MAPKBP1: variants seen among roughly 807,000 people sequenced by gnomAD.
MAPKBP1 encodes the protein mitogen-activated protein kinase binding protein 1, also known as mitogen-activated protein kinase-binding protein 1.
A neutral mutation model predicts 170.5 loss-of-function variants in MAPKBP1; 71 were observed. The observed-to-expected ratio is 0.42, with a 90% CI of 0.34 to 0.51. MAPKBP1 has a LOEUF of 0.51. MAPKBP1 is among the 20% of genes least tolerant of loss of function. The pLI is 0.06. For synonymous variants in MAPKBP1, 719 were observed against 757.9 expected, an observed-to-expected ratio of 0.95 and a Z score of 0.84; for missense variants, 1,598 against 1,933.0, an observed-to-expected ratio of 0.83 and a Z score of 3.25.
intron 2 of MAPKBP1, among the ~76,000 whole-genome samples, chr15:41,791,539 G>A (rs1405892690): frequency 1.3e-5 from 2 of 152,222 alleles, no homozygotes; most frequent in African/African-American, 4.8e-5. Context: ...CCTCTAGCTC[G>A]TGAACTGATC....
At chr15:41,787,338 C>T (rs1304154906) in intron 2 of MAPKBP1, among the ~76,000 whole-genome samples, 1 of 148,058 alleles carries the variant, frequency 6.8e-6, no homozygotes, top group Non-Finnish European at 1.5e-5. Flanking sequence ...TCTTTTTGAT[C>T]AACATAGTCG....
At position 41,775,369 on chromosome 15, in the gene MAPKBP1, C is replaced by T. The variant is rs1183283764; in HGVS notation, c.94C>T (p.Arg32Ter). 1 of 1,614,010 alleles carries T rather than the reference C, an allele frequency of 6.2e-7. No homozygotes were observed. Among genetic ancestry groups the T allele is most frequent in the Non-Finnish European group, 8.5e-7 (1 of 1,179,978 alleles). Reference sequence around the variant, plus strand: ...GCGCAGGAGTAAGGCAGGAAACCGACGAGAGGACCTCAGCTCCAAGGTGAG... The same window carrying T: ...GCGCAGGAGTAAGGCAGGAAACCGATGAGAGGACCTCAGCTCCAAGGTGAG... ...KLRRSKAGNR[R>*]EDLSSKVTLE... is the part of the protein sequence containing the mutation. Residue 32 changes from arginine (R) to a stop codon, truncating the protein, a stop_gained, in exon 2 of 31, where the codon CGA (arginine) becomes TGA (stop). Transcript: ENST00000457542. LOFTEE classifies it high-confidence loss of function.
chr15:41,791,208 A>G (rs2064390273), intron 2 of MAPKBP1, among the ~76,000 whole-genome samples: 2 of 151,956 alleles, frequency 1.3e-5, no homozygotes, highest in African/African-American at 4.8e-5. Context: ...GGGAAGGGAA[A>G]AGGGGGAAGA....
chr15:41,784,342 T>A (rs542902657), intron 2 of MAPKBP1, among the ~76,000 whole-genome samples: 7 of 152,206 alleles, frequency 4.6e-5, no homozygotes, highest in African/African-American at 1.7e-4. Flanking sequence ...GAAAAGAGCT[T>A]CTCAAGAGTT....
chr15:41,784,893 T>TAA (rs35451237), intron 2 of MAPKBP1, among the ~76,000 whole-genome samples: 1,404 of 105,626 alleles, frequency 0.013, 30 homozygotes, highest in Middle Eastern at 0.049. Flanking sequence ...ACCCTATCTG[T>TAA]AAAAAAAAAA....
intron 2 of MAPKBP1, among the ~76,000 whole-genome samples, chr15:41,793,332 A>G (rs969401898): frequency 9.9e-5 from 15 of 152,136 alleles, no homozygotes; most frequent in Non-Finnish European, 4.4e-5. Context: ...CTAAAAATAC[A>G]AAAAATTAGC....
intron 3 of MAPKBP1, among the ~76,000 whole-genome samples, chr15:41,802,395 CT>C (rs562155602): frequency 1.2e-4 from 18 of 150,138 alleles, no homozygotes; most frequent in African/African-American, 2.2e-4. Flanking sequence ...ATTTTATAAA[CT>C]TTTTTTTTTA....
At position 41,820,843 on chromosome 15, in the gene MAPKBP1, C is replaced by G. The variant is rs759014898; in HGVS notation, c.2493C>G (p.Ser831=). The G allele has an allele frequency of 2.6e-5, 42 of 1,613,694 alleles. No homozygotes were observed. The highest frequency in any genetic ancestry group is 3.4e-5 in the Non-Finnish European group (40 of 1,179,792). Residue 831 remains serine (S), a synonymous_variant, in exon 23 of 31, where the codon TCC becomes TCG. Coordinates refer to ENST00000457542, the MANE Select transcript of MAPKBP1 (RefSeq NM_014994.3). ...SHWEMSRAQE[S]VGFLDPAPAA... ...CTACCTCCCACCAGGCACAGGAGTC[C>G]GTGGGGTTCCTGGACCCAGCTCCTG...
At chr15:41,820,711 G>A in intron 22 of MAPKBP1, 121 bp from the exon 23 acceptor site, 1 of 707,536 alleles carries the variant, frequency 1.4e-6, no homozygotes, top group Non-Finnish European at 2.4e-6. Flanking sequence ...AAAGGTTGCT[G>A]TGAGGATGAA....
chr15:41,825,293 CTGG>C lies in MAPKBP1; in HGVS notation c.4385_4387del (p.Leu1462_Glu1463delinsGln). On this transcript the variant is annotated inframe_deletion, in exon 31 of 31. Transcript: ENST00000457542. Reference sequence around the variant, plus strand: ...CACCTTCTCTTCAGTGCGACAGGAGCTGGAAGCTGTGGCTGGGGCAGTGCTGTC... The same window carrying C: ...CACCTTCTCTTCAGTGCGACAGGAGCAAGCTGTGGCTGGGGCAGTGCTGTC... The C allele has an allele frequency of 1.2e-6, 2 of 1,613,240 alleles. No individual in the cohort carries two copies. Among genetic ancestry groups the C allele is most frequent in the Non-Finnish European group, 1.7e-6 (2 of 1,179,626 alleles).
In MAPKBP1 at chr15:41,813,080, G is replaced by A. The variant is rs775880469; in HGVS notation, c.798G>A (p.Leu266=). ...GCGAGTTCAGTGATCGAAGGCTTTT[G>A]GACAAGTGGGTGGAGCTGAGGGTAA... The part of the protein sequence containing the change: ...LLCEFSDRRL[L]DKWVELRTTV... The change falls in exon 8 of 31, where the codon TTG becomes TTA. Residue 266 remains leucine, a synonymous_variant. Coordinates refer to ENST00000457542, the MANE Select transcript of MAPKBP1 (RefSeq NM_014994.3). 5 of 1,608,114 alleles carry A rather than the reference G, an allele frequency of 3.1e-6. No individual in the cohort carries two copies. Among genetic ancestry groups the A allele is most frequent in the Admixed American group, 1.7e-5 (1 of 59,614 alleles).
At position 41,817,516 on chromosome 15, in the gene MAPKBP1, G is replaced by A. The variant is rs2064912421; in HGVS notation, c.1782+58G>A. On this transcript the variant is annotated intron_variant, in intron 15 of 30. Coordinates refer to ENST00000457542, the MANE Select transcript of MAPKBP1 (RefSeq NM_014994.3). The surrounding 1 kb of genome is among the most constrained non-coding windows in gnomAD (Gnocchi z 4.2). ...GACAGGGCGGGGTCTGCCATTCCCT[G>A]CCTAAGGTTACAAGAGGTGAAGGGA... is the stretch of plus-strand genomic sequence containing the variant. The A allele has an allele frequency of 4.2e-5, 67 of 1,613,726 alleles. 1 individual carries two copies. The South Asian group carries it at 7.0e-4, about 17-fold the overall frequency.
Position 41,820,918 on chromosome 15 carries a change from G to C in MAPKBP1, c.2568G>C (p.Val856=). 4 of 1,614,190 alleles carry C rather than the reference G, an allele frequency of 2.5e-6. No homozygotes were observed. Among genetic ancestry groups the C allele is most frequent in the Non-Finnish European group, 3.4e-6 (4 of 1,180,034 alleles). ...GAGGGCGCTGGGTTCAGCCAGGTGT[G>C]GAACTGAGCGTTAGATCCATGCTGG... is the stretch of plus-strand genomic sequence containing the variant. ...RRRGRWVQPG[V]ELSVRSMLDL... Residue 856 remains valine (V), a synonymous_variant, in exon 23 of 31, where the codon GTG becomes GTC. Transcript: ENST00000457542.
At chr15:41,809,980 C>G (rs971409400) in intron 3 of MAPKBP1, among the ~76,000 whole-genome samples, 2 of 152,234 alleles carry the variant, frequency 1.3e-5, no homozygotes, top group African/African-American at 4.8e-5. Flanking sequence ...CTCAGGCTAT[C>G]TCTATCCCCC....
chr15:41,811,377 G>C (rs1188234329), intron 5 of MAPKBP1, 142 bp downstream of exon 5: 11 of 858,206 alleles, frequency 1.3e-5, no homozygotes, highest in Admixed American at 1.2e-4. Context: ...TTAAAATAGT[G>C]GTTCTCAAGC....
chr15:41,805,167 A>G (rs796438512), intron 3 of MAPKBP1, among the ~76,000 whole-genome samples: 6 of 152,358 alleles, frequency 3.9e-5, no homozygotes, highest in African/African-American at 1.4e-4. Flanking sequence ...GGAACAGCAC[A>G]GGAAAGGAGG....
chr15:41,810,239 G>A (rs1372915132), intron 3 of MAPKBP1, among the ~76,000 whole-genome samples: 1 of 152,210 alleles, frequency 6.6e-6, no homozygotes, highest in South Asian at 2.1e-4. Context: ...CCTTCCTGGG[G>A]TATGCACAAG....
chr15:41,823,388 T>G, intron 28 of MAPKBP1, 59 bp from the exon 29 acceptor site: 3 of 1,563,676 alleles, frequency 1.9e-6, no homozygotes, highest in Non-Finnish European at 2.6e-6. Context: ...GATTGGGTGT[T>G]GGCACCTGGG....
At chr15:41,814,007 A>G (rs1486396567) in intron 9 of MAPKBP1, among the ~76,000 whole-genome samples, 1 of 152,202 alleles carries the variant, frequency 6.6e-6, no homozygotes, top group African/African-American at 2.4e-5. Flanking sequence ...TAGGAGGGAC[A>G]TATGGGATTT....
Sources: gnomAD v4.1 joint callset for allele counts (sites outside exome capture counted in the v4.1 genomes callset) on GRCh38, gnomAD v4.1.1 for gene constraint, Gnocchi (gnomAD v3.1) non-coding constraint, MANE v1.5 for transcripts, NCBI Gene and HGNC (gene_info 2026-07-23, HGNC 2026-07-21) for gene names.